The following DIS3L2 variants were observed in gnomAD, a reference collection of about 807,000 sequenced individuals.
The protein encoded by DIS3L2 is DIS3 like 3'-5' exoribonuclease 2, also known as DIS3-like exonuclease 2.
In DIS3L2, 34 loss-of-function variants were observed where a neutral mutation model predicts 97.5. The observed-to-expected ratio is 0.35, with a 90% CI of 0.27 to 0.46. The LOEUF is 0.46. Among genes scored for constraint, DIS3L2 ranks in the 20% least tolerant of loss-of-function variants. The probability of loss-of-function intolerance (pLI) is 1.00; values close to 1 mark genes in which losing one functional copy is unlikely to be tolerated. For missense variants in DIS3L2, 1,038 were observed against 1,146.0 expected (o/e 0.91, Z 1.36); for synonymous variants, 435 against 445.2 (o/e 0.98, Z 0.29).
At chr2:232,188,302 T>C (rs1691504889) in intron 9 of DIS3L2, among the ~76,000 whole-genome samples, 1 of 152,214 alleles carries the variant, frequency 6.6e-6, no homozygotes, top group Admixed American at 6.5e-5. Context: ...TAGGTAGGGA[T>C]AATGATTATA....
chr2:232,157,799 G>A (rs1690536440), intron 8 of DIS3L2, among the ~76,000 whole-genome samples: 1 of 152,204 alleles, frequency 6.6e-6, no homozygotes, highest in African/African-American at 2.4e-5. Flanking sequence ...TTAGTGAGAA[G>A]TGAATGTTGT....
chr2:232,044,449 T>C (rs1261849889), intron 5 of DIS3L2, among the ~76,000 whole-genome samples: 1 of 152,008 alleles, frequency 6.6e-6, no homozygotes, highest in Non-Finnish European at 1.5e-5. Context: ...CATGTTAGGC[T>C]CTGGTAATTG....
At chr2:232,219,511 T>A (rs1692436321) in intron 10 of DIS3L2, among the ~76,000 whole-genome samples, 1 of 152,186 alleles carries the variant, frequency 6.6e-6, no homozygotes, top group Admixed American at 6.5e-5. Context: ...CCACTTTCTC[T>A]CCTAAAATAA....
intron 14 of DIS3L2, among the ~76,000 whole-genome samples, chr2:232,308,855 G>A (rs1252844575): frequency 6.6e-6 from 1 of 152,196 alleles, no homozygotes; most frequent in African/African-American, 2.4e-5. Context: ...AATAGACCTA[G>A]AGAACCAACC....
chr2:232,280,496 G>A (rs1000795706), intron 13 of DIS3L2, among the ~76,000 whole-genome samples: 3 of 152,238 alleles, frequency 2.0e-5, no homozygotes, highest in Non-Finnish European at 4.4e-5. Context: ...GAACACCCAT[G>A]TCAGTGACTC....
At chr2:231,996,617 T>C (rs913094168) in intron 1 of DIS3L2, among the ~76,000 whole-genome samples, 7 of 152,244 alleles carry the variant, frequency 4.6e-5, no homozygotes, top group Non-Finnish European at 1.0e-4. Flanking sequence ...GTATTTTTTG[T>C]ACATTTGCCG....
intron 6 of DIS3L2, among the ~76,000 whole-genome samples, chr2:232,090,200 G>A (rs974927799): frequency 6.6e-6 from 1 of 152,132 alleles, no homozygotes; most frequent in African/African-American, 2.4e-5. Context: ...CTCCCAAAGC[G>A]CTGGGATTAC....
At chr2:232,002,693 A>G (rs1693942476) in intron 1 of DIS3L2, among the ~76,000 whole-genome samples, 1 of 152,212 alleles carries the variant, frequency 6.6e-6, no homozygotes, top group Non-Finnish European at 1.5e-5. Context: ...GAACATATAA[A>G]AAGGCATATT....
intron 5 of DIS3L2, among the ~76,000 whole-genome samples, chr2:232,065,262 T>C (rs1695822481): frequency 6.6e-6 from 1 of 152,070 alleles, no homozygotes; most frequent in African/African-American, 2.4e-5. Flanking sequence ...CCATTTCTTT[T>C]TCCCCCCAGC....
intron 10 of DIS3L2, among the ~76,000 whole-genome samples, chr2:232,237,364 C>G (rs1372205369): frequency 6.6e-6 from 1 of 152,106 alleles, no homozygotes; most frequent in Non-Finnish European, 1.5e-5. Context: ...AGGGAAGGAG[C>G]AGTTCTAAAA....
chr2:232,065,378 AG>A (rs1695826641), intron 5 of DIS3L2, among the ~76,000 whole-genome samples: 1 of 151,886 alleles, frequency 6.6e-6, no homozygotes, highest in South Asian at 2.1e-4. Context: ...GTCCATTTCA[AG>A]TTAATTTTTA....
intron 5 of DIS3L2, among the ~76,000 whole-genome samples, chr2:232,070,979 G>T (rs769175501): frequency 6.6e-6 from 1 of 152,140 alleles, no homozygotes; most frequent in Non-Finnish European, 1.5e-5. Flanking sequence ...CATGGGAACA[G>T]TGTCCAGAGG....
intron 1 of DIS3L2, among the ~76,000 whole-genome samples, chr2:231,994,982 T>G (rs1693691070): frequency 2.0e-5 from 3 of 151,924 alleles, no homozygotes; most frequent in African/African-American, 7.3e-5. Context: ...CTGGCTAACT[T>G]TTTGTAGAGA....
intron 5 of DIS3L2, among the ~76,000 whole-genome samples, chr2:232,080,900 C>CAAA (rs34838591): frequency 0.079 from 9,211 of 116,074 alleles, 1,010 homozygotes; most frequent in African/African-American, 0.26. Flanking sequence ...AGCTCTGTCT[C>CAAA]AAAAAAAAAA....
At chr2:232,073,136 T>C (rs1327999406) in intron 5 of DIS3L2, among the ~76,000 whole-genome samples, 1 of 152,216 alleles carries the variant, frequency 6.6e-6, no homozygotes, top group African/African-American at 2.4e-5. Context: ...CAGTTGCTTT[T>C]CTTGGCTTCA....
intron 13 of DIS3L2, among the ~76,000 whole-genome samples, chr2:232,267,783 G>A (rs16828735): frequency 0.048 from 7,250 of 152,220 alleles, 293 homozygotes; most frequent in African/African-American, 0.11. Context: ...CTTGGGACAC[G>A]AAGCCTGTTC....
intron 10 of DIS3L2, among the ~76,000 whole-genome samples, chr2:232,228,418 T>C (rs1692703294): frequency 1.3e-5 from 2 of 152,226 alleles, no homozygotes; most frequent in Admixed American, 1.3e-4. Flanking sequence ...GTCCCCATGC[T>C]GGCCGTATGT....
At chr2:232,258,031 G>A (rs918938622) in intron 12 of DIS3L2, among the ~76,000 whole-genome samples, 3 of 152,180 alleles carry the variant, frequency 2.0e-5, no homozygotes, top group African/African-American at 4.8e-5. Flanking sequence ...GATGTGTTAA[G>A]GAGATTTTAG....
chr2:232,229,137 G>T (rs932833438), intron 10 of DIS3L2, among the ~76,000 whole-genome samples: 35 of 151,786 alleles, frequency 2.3e-4, no homozygotes, highest in Admixed American at 1.1e-3. Context: ...AACTGGATTT[G>T]TCCTTTTCAA....
Sources: allele counts gnomAD v4.1 joint callset (sites outside exome capture counted in the v4.1 genomes callset), GRCh38; gene constraint gnomAD v4.1.1; transcripts MANE v1.5; gene names NCBI Gene and HGNC (gene_info 2026-07-23, HGNC 2026-07-21).